Variants in NRXN3 observed in about 807,000 individuals in gnomAD.
NRXN3 encodes the protein neurexin 3.
In NRXN3, 32 loss-of-function variants were observed where a neutral mutation model predicts 137.6. The observed-to-expected ratio is 0.23, with a 90% confidence interval of 0.18 to 0.31. The LOEUF (loss-of-function observed/expected upper bound fraction) is 0.31. Ranked by LOEUF, NRXN3 falls within the 10% of genes least tolerant of loss-of-function variation. NRXN3 has a pLI of 1.00. For missense variants in NRXN3, 1,574 were observed against 2,062.5 expected (o/e 0.76, Z 4.59); for synonymous variants, 798 against 784.5 (o/e 1.02, Z -0.29).
intron 1 of NRXN3, among the ~76,000 whole-genome samples, chr14:78,238,782 GGGAAT>G (rs2066686954): frequency 6.6e-6 from 1 of 152,240 alleles, no homozygotes; most frequent in African/African-American, 2.4e-5. Context: ...ATGCAGGGCA[GGGAAT>G]GGTGGTATCC....
At chr14:79,464,387 T>G (rs2096394307) in intron 15 of NRXN3, among the ~76,000 whole-genome samples, 2 of 152,124 alleles carry the variant, frequency 1.3e-5, no homozygotes, top group South Asian at 4.1e-4. Context: ...TATCAAATAT[T>G]GTCATAGTGA....
intron 2 of NRXN3, among the ~76,000 whole-genome samples, chr14:78,269,846 C>A (rs1447449882): frequency 6.6e-6 from 1 of 152,290 alleles, no homozygotes; most frequent in Non-Finnish European, 1.5e-5. Flanking sequence ...GGCCTAAACT[C>A]TGGGAAGTCG....
chr14:79,573,624 G>T lies in NRXN3; in HGVS notation c.3445-90154G>T, dbSNP rs531548705. Among the ~76,000 whole-genome samples the T allele has an allele frequency of 4.6e-5, 7 of 152,216 alleles. No homozygotes were observed. In the East Asian group the frequency reaches 1.4e-3, roughly 29 times the overall value. ...GCTTTAGAAAGAAGGTCAACCCTTT[G>T]CCTTGTGGCTTTTGTGCATTGCTTT... On this transcript the variant is annotated intron_variant, in intron 16 of 20. Coordinates refer to ENST00000335750, the MANE Select transcript of NRXN3 (RefSeq NM_001330195.2).
At chr14:79,669,942 A>T (rs2098597396) in intron 17 of NRXN3, among the ~76,000 whole-genome samples, 1 of 152,080 alleles carries the variant, frequency 6.6e-6, no homozygotes, top group South Asian at 2.1e-4. Flanking sequence ...TGATATGTAG[A>T]AGCTAAAAAA....
intron 15 of NRXN3, among the ~76,000 whole-genome samples, chr14:79,367,628 A>G (rs887035091): frequency 6.6e-6 from 1 of 152,232 alleles, no homozygotes; most frequent in African/African-American, 2.4e-5. Flanking sequence ...ACACAGTGCC[A>G]AAGATCTTTA....
At chr14:78,183,877 T>G (rs1223526058) in intron 1 of NRXN3, among the ~76,000 whole-genome samples, 5 of 152,064 alleles carry the variant, frequency 3.3e-5, no homozygotes, top group Non-Finnish European at 5.9e-5. Flanking sequence ...AAAGGGAAGG[T>G]GGGGAAGCTT....
intron 15 of NRXN3, among the ~76,000 whole-genome samples, chr14:79,052,282 G>A (rs1446498347): frequency 6.6e-6 from 1 of 152,128 alleles, no homozygotes; most frequent in Non-Finnish European, 1.5e-5. Flanking sequence ...GGGATTCTAG[G>A]TTTTTAGTAG....
At chr14:78,958,896 A>G (rs915583403) in intron 11 of NRXN3, among the ~76,000 whole-genome samples, 5 of 152,228 alleles carry the variant, frequency 3.3e-5, no homozygotes, top group African/African-American at 1.2e-4. Flanking sequence ...TCTTCTGTGA[A>G]TAAGACAGTC....
At chr14:78,319,619 C>G (rs1013875230) in intron 4 of NRXN3, among the ~76,000 whole-genome samples, 1 of 152,196 alleles carries the variant, frequency 6.6e-6, no homozygotes, top group African/African-American at 2.4e-5. Context: ...CTGGTGGTTG[C>G]TATGGGCTTG....
At chr14:78,276,491 G>A (rs1309046970) in intron 2 of NRXN3, among the ~76,000 whole-genome samples, 1 of 152,148 alleles carries the variant, frequency 6.6e-6, no homozygotes, top group Non-Finnish European at 1.5e-5. Context: ...AGTCACTAAC[G>A]TTATGTAGCA....
At chr14:78,374,560 G>A (rs1452477268) in intron 4 of NRXN3, among the ~76,000 whole-genome samples, 3 of 151,944 alleles carry the variant, frequency 2.0e-5, no homozygotes, top group Admixed American at 6.6e-5. Flanking sequence ...ATCACTTGAG[G>A]TCGAGTTTGA....
chr14:78,632,522 G>C (rs367656786), intron 4 of NRXN3, among the ~76,000 whole-genome samples: 1 of 152,146 alleles, frequency 6.6e-6, no homozygotes, highest in Non-Finnish European at 1.5e-5. Flanking sequence ...CTAATGGAAA[G>C]CATATAGTCT....
intron 15 of NRXN3, among the ~76,000 whole-genome samples, chr14:79,428,324 CTTTT>C (rs60250635): frequency 0.28 from 42,221 of 151,524 alleles, 6,465 homozygotes; most frequent in South Asian, 0.42. Flanking sequence ...CTTTTTCTTT[CTTTT>C]ATTTTATTTT....
At position 79,766,836 on chromosome 14, in the gene NRXN3, A is replaced by G. The variant is rs1416648620; in HGVS notation, c.4015-38276A>G. Among the ~76,000 whole-genome samples the G allele has an allele frequency of 7.2e-5, 11 of 152,326 alleles. No individual in the cohort carries two copies. The East Asian group carries it at 2.1e-3, about 29-fold the overall frequency. On this transcript the variant is annotated intron_variant, in intron 19 of 20. Transcript: ENST00000335750. ...AAGGGCATGGTTGGCAGAGATTGCCACATGCACAGAATATAGTGGTGAACC... is the reference window on the plus strand; with the variant it reads ...AAGGGCATGGTTGGCAGAGATTGCCGCATGCACAGAATATAGTGGTGAACC...
At chr14:79,091,385 T>C (rs1434933362) in intron 15 of NRXN3, among the ~76,000 whole-genome samples, 1 of 152,032 alleles carries the variant, frequency 6.6e-6, no homozygotes, top group African/African-American at 2.4e-5. Flanking sequence ...TCAAGAGGAG[T>C]TAATACAAGT....
intron 15 of NRXN3, among the ~76,000 whole-genome samples, chr14:79,251,865 C>T (rs941484429): frequency 1.3e-5 from 2 of 151,148 alleles, no homozygotes; most frequent in African/African-American, 4.9e-5. Context: ...GTCACCCAGG[C>T]TAGAATGCAG....
intron 15 of NRXN3, among the ~76,000 whole-genome samples, chr14:79,242,559 A>ACCCT (rs2074476766): frequency 6.6e-6 from 1 of 152,162 alleles, no homozygotes; most frequent in Non-Finnish European, 1.5e-5. Flanking sequence ...AGCTGCAGTG[A>ACCCT]GGGTTGTTAC....
chr14:78,501,969 C>T (rs2095885638), intron 4 of NRXN3, among the ~76,000 whole-genome samples: 1 of 152,060 alleles, frequency 6.6e-6, no homozygotes, highest in African/African-American at 2.4e-5. Flanking sequence ...TACTGCAGAC[C>T]CTGGATCTCC....
intron 10 of NRXN3, among the ~76,000 whole-genome samples, chr14:78,946,229 G>C (rs1220541742): frequency 6.6e-6 from 1 of 152,164 alleles, no homozygotes; most frequent in Non-Finnish European, 1.5e-5. Flanking sequence ...TTCTTTATTT[G>C]AGAATCCAAT....
Sources: allele counts gnomAD v4.1 joint callset (sites outside exome capture counted in the v4.1 genomes callset), GRCh38; gene constraint gnomAD v4.1.1; transcripts MANE v1.5; gene names NCBI Gene and HGNC (gene_info 2026-07-23, HGNC 2026-07-21).